The following ACBD6 variants were observed in gnomAD, a reference collection of about 807,000 sequenced individuals.
ACBD6 encodes the protein acyl-CoA binding domain containing 6.
ACBD6 carries 28 observed loss-of-function variants against 37.2 expected under a neutral mutation model. That is an observed-to-expected ratio of 0.75 (90% CI 0.56 to 1.03). ACBD6 has a LOEUF of 1.03. Among genes scored for constraint, ACBD6 ranks in the 50% least tolerant of loss-of-function variants. ACBD6 has a pLI of 0.00. For synonymous variants in ACBD6, 113 were observed against 126.8 expected (o/e 0.89, Z 0.73); for missense variants, 340 against 337.4 (o/e 1.01, Z -0.06).
At chr1:180,423,526 T>A (rs1648458211) in intron 4 of ACBD6, among the ~76,000 whole-genome samples, 1 of 152,202 alleles carries the variant, frequency 6.6e-6, no homozygotes, top group African/African-American at 2.4e-5. Flanking sequence ...TTATACTATT[T>A]ACGTTGGTAA....
chr1:180,498,990 A>G (rs1407781911), intron 1 of ACBD6, among the ~76,000 whole-genome samples: 5 of 152,030 alleles, frequency 3.3e-5, no homozygotes, highest in African/African-American at 1.2e-4. Flanking sequence ...GATGTAAAGA[A>G]GGACCAAAAA....
chr1:180,431,994 C>T (rs1648830752), intron 3 of ACBD6, among the ~76,000 whole-genome samples: 2 of 151,980 alleles, frequency 1.3e-5, no homozygotes, highest in African/African-American at 4.8e-5. Context: ...TCTCTTGAAG[C>T]CAGGAGTTTG....
chr1:180,381,981 T>C (rs921327112), intron 6 of ACBD6, among the ~76,000 whole-genome samples: 2 of 151,574 alleles, frequency 1.3e-5, no homozygotes, highest in African/African-American at 2.4e-5. Context: ...TGGTGGTGCA[T>C]GCCTGTAATC....
intron 12 of ACBD6, chr1:180,273,232 A>C (rs1648802336): frequency 6.6e-6 from 1 of 152,312 alleles, no homozygotes; most frequent in Admixed American, 6.5e-5. Context: ...ATGCCCTGGG[A>C]GGACTCTAGT....
At chr1:180,272,331 C>T (rs890553496) in intron 13 of ACBD6, among the ~76,000 whole-genome samples, 5 of 152,200 alleles carry the variant, frequency 3.3e-5, no homozygotes, top group African/African-American at 1.2e-4. Context: ...GGGTTCCAGC[C>T]TTGTGCCCCT....
intron 6 of ACBD6, among the ~76,000 whole-genome samples, chr1:180,376,210 C>T: frequency 6.6e-6 from 1 of 152,202 alleles, no homozygotes; most frequent in East Asian, 1.9e-4. Context: ...GAAACAGGCT[C>T]TCTTATGAAC....
At chr1:180,446,133 G>T (rs968487478) in intron 3 of ACBD6, among the ~76,000 whole-genome samples, 3 of 151,558 alleles carry the variant, frequency 2.0e-5, no homozygotes, top group Non-Finnish European at 4.4e-5. Flanking sequence ...CTCCCAAGTA[G>T]CTGGGACCAC....
chr1:180,434,471 T>C (rs55962675), intron 3 of ACBD6, among the ~76,000 whole-genome samples: 17,345 of 152,224 alleles, frequency 0.11, 1,485 homozygotes, highest in African/African-American at 0.23. Context: ...CTGAAGAATC[T>C]TTTAAAGATC....
rs111452985 is a variant in ACBD6 at position 180,438,842 on chromosome 1, T to C, written c.385-8580A>G. ...TGGGTTTGACAAACATATAATGACA[T>C]GTACCCACCACTGCGGTACCATTCA... On this transcript the variant is annotated intron_variant, in intron 3 of 7. Coordinates refer to ENST00000367595, the MANE Select transcript of ACBD6 (RefSeq NM_032360.4). Among the ~76,000 whole-genome samples, 1,473 of 152,312 alleles carry C rather than the reference T, an allele frequency of 9.7e-3. 18 individuals carry two copies. The highest frequency in any genetic ancestry group is 0.033 in the African/African-American group (1,387 of 41,570).
chr1:180,367,327 A>G (rs1653088174), intron 6 of ACBD6, among the ~76,000 whole-genome samples: 1 of 152,172 alleles, frequency 6.6e-6, no homozygotes, highest in Non-Finnish European at 1.5e-5. Flanking sequence ...CTTAAATAAT[A>G]CTAAAGTATT....
At chr1:180,310,709 T>C (rs1392596394) in intron 7 of ACBD6, among the ~76,000 whole-genome samples, 1 of 152,204 alleles carries the variant, frequency 6.6e-6, no homozygotes, top group African/African-American at 2.4e-5. Context: ...TTGTAGAGTA[T>C]GTGTACCTTG....
At chr1:180,493,247 C>CAAAAAAAAAAAAAAAAAAAAAAAAA (rs71121023) in intron 2 of ACBD6, among the ~76,000 whole-genome samples, 3 of 47,796 alleles carry the variant, frequency 6.3e-5, no homozygotes, top group African/African-American at 3.5e-4. Flanking sequence ...AATTCTGTCT[C>CAAAAAAAAAAAAAAAAAAAAAAAAA]AAAAAAAAAA....
chr1:180,372,583 G>C (rs893626784), intron 6 of ACBD6, among the ~76,000 whole-genome samples: 1 of 152,132 alleles, frequency 6.6e-6, no homozygotes, highest in Non-Finnish European at 1.5e-5. Flanking sequence ...GGGAAAGTTA[G>C]TTCTCAAGAT....
intron 3 of ACBD6, among the ~76,000 whole-genome samples, chr1:180,465,277 T>C (rs1230442523): frequency 6.6e-6 from 1 of 151,964 alleles, no homozygotes; most frequent in Non-Finnish European, 1.5e-5. Context: ...TCTGACAAGC[T>C]CTAATATCCA....
intron 5 of ACBD6, among the ~76,000 whole-genome samples, chr1:180,403,606 AT>A (rs1486156576): frequency 6.6e-6 from 1 of 152,216 alleles, no homozygotes; most frequent in Non-Finnish European, 1.5e-5. Context: ...GGGAAAAAAA[AT>A]CAAACAAAAA....
At chr1:180,356,034 A>ATT (rs35274094) in intron 6 of ACBD6, among the ~76,000 whole-genome samples, 88 of 149,458 alleles carry the variant, frequency 5.9e-4, no homozygotes, top group Non-Finnish European at 8.8e-4. Flanking sequence ...CGCCCGGCTA[A>ATT]TTTTTTTTTT....
intron 1 of ACBD6, among the ~76,000 whole-genome samples, chr1:180,497,120 G>A (rs1651770521): frequency 6.6e-6 from 1 of 152,190 alleles, no homozygotes; most frequent in Non-Finnish European, 1.5e-5. Context: ...AATAATAAAT[G>A]AGATAAATTA....
chr1:180,431,770 AG>A (rs1648821033), intron 3 of ACBD6, among the ~76,000 whole-genome samples: 1 of 152,134 alleles, frequency 6.6e-6, no homozygotes, highest in African/African-American at 2.4e-5. Context: ...TGGATACGAA[AG>A]GAAAAAAAAT....
At chr1:180,459,186 G>A (rs951754941) in intron 3 of ACBD6, among the ~76,000 whole-genome samples, 1 of 152,096 alleles carries the variant, frequency 6.6e-6, no homozygotes, top group African/African-American at 2.4e-5. Flanking sequence ...TTATTCAAAA[G>A]AAATCTCTAA....
Sources: gnomAD v4.1 joint callset for allele counts (sites outside exome capture counted in the v4.1 genomes callset) on GRCh38, gnomAD v4.1.1 for gene constraint, MANE v1.5 for transcripts, NCBI Gene and HGNC (gene_info 2026-07-23, HGNC 2026-07-21) for gene names.